ARHGAP40: variants seen among roughly 807,000 people sequenced by gnomAD.
ARHGAP40 encodes the protein Rho GTPase activating protein 40.
A neutral mutation model predicts 73.5 loss-of-function variants in ARHGAP40; 43 were observed. That is an observed-to-expected ratio of 0.58 (90% CI 0.46 to 0.75). ARHGAP40 has a LOEUF of 0.75. Ranked by LOEUF, ARHGAP40 falls within the 30% of genes least tolerant of loss-of-function variation. The pLI is 0.00. For synonymous variants in ARHGAP40, 300 were observed against 352.8 expected, an observed-to-expected ratio of 0.85 and a Z score of 1.68; for missense variants, 734 against 861.8, an observed-to-expected ratio of 0.85 and a Z score of 1.86.
At chr20:38,650,156 C>A (rs2089080513) in exon 15 of ARHGAP40, 2 of 366,186 alleles carry the variant, frequency 5.5e-6, no homozygotes, top group South Asian at 2.1e-5. Context: ...ACCGTGCACA[C>A]AATGCCCTCA....
intron 2 of ARHGAP40, 78 bp from the exon 3 acceptor site, chr20:38,626,917 C>T: frequency 8.6e-7 from 1 of 1,158,220 alleles, no homozygotes; most frequent in Non-Finnish European, 1.1e-6. Context: ...GTGTGTGCTT[C>T]TATGCAGAAC....
At chr20:38,610,093 A>G (rs561479840) in intron 1 of ARHGAP40, among the ~76,000 whole-genome samples, 5 of 152,238 alleles carry the variant, frequency 3.3e-5, no homozygotes, top group Non-Finnish European at 7.3e-5. Context: ...TAAAGACCAG[A>G]TGTTCTTAAT....
At chr20:38,611,828 C>G (rs1233601596) in intron 1 of ARHGAP40, among the ~76,000 whole-genome samples, 1 of 152,062 alleles carries the variant, frequency 6.6e-6, no homozygotes, top group Admixed American at 6.5e-5. Context: ...CCCACCTCGG[C>G]CTCCCAAAGT....
intron 1 of ARHGAP40, among the ~76,000 whole-genome samples, chr20:38,602,617 CA>C (rs980788144): frequency 1.3e-5 from 2 of 152,198 alleles, no homozygotes; most frequent in Non-Finnish European, 2.9e-5. Context: ...GAAAGTCAAA[CA>C]GTGCAGGAAT....
chr20:38,643,881 A>G, exon 11 of ARHGAP40: 1 of 1,304,746 alleles, frequency 7.7e-7, no homozygotes, highest in Non-Finnish European at 1.0e-6. Context: ...GGTGCAGATA[A>G]TGGTGCACTA....
intron 14 of ARHGAP40, among the ~76,000 whole-genome samples, 191 bp from the exon 15 acceptor site, chr20:38,649,566 G>T (rs1361095024): frequency 6.6e-6 from 1 of 152,216 alleles, no homozygotes; most frequent in South Asian, 2.1e-4. Context: ...GGGAAAGGGG[G>T]TGTCACTTTT....
chr20:38,632,120 C>T (rs920582078), intron 5 of ARHGAP40, among the ~76,000 whole-genome samples: 3 of 151,946 alleles, frequency 2.0e-5, no homozygotes, highest in African/African-American at 7.3e-5. Flanking sequence ...TGTGCTACCA[C>T]ACCCAGCTAA....
intron 1 of ARHGAP40, among the ~76,000 whole-genome samples, chr20:38,605,651 C>T (rs1359580574): frequency 6.6e-6 from 1 of 152,118 alleles, no homozygotes; most frequent in East Asian, 1.9e-4. Flanking sequence ...TCCACCTGCC[C>T]CTCCCACCTC....
intron 1 of ARHGAP40, among the ~76,000 whole-genome samples, chr20:38,622,766 C>T (rs1033113701): frequency 5.3e-5 from 8 of 152,182 alleles, no homozygotes; most frequent in South Asian, 4.1e-4. Flanking sequence ...TTCCAGTTCA[C>T]GTGCCTGATA....
rs535671539 is a variant in ARHGAP40 at position 38,649,987 on chromosome 20, T to G, written c.*139T>G. On this transcript the variant is annotated 3_prime_UTR_variant, in exon 15 of 15. Coordinates refer to ENST00000373345, the Ensembl canonical transcript of ARHGAP40. ...CCAAGGCTTCCTTTTCTGAAATGCC[T>G]CTCAGACCCCTCAGAAATAGACTCA... The G allele has an allele frequency of 1.3e-4, 71 of 533,926 alleles. 1 individual carries two copies. The highest frequency in any genetic ancestry group is 2.0e-4 in the Admixed American group (7 of 34,534). The allele number at this position is 533,926 out of a possible 1,614,324, so 33.1% of individuals were successfully genotyped here.
At chr20:38,634,062 A>G (rs1487241996) in intron 5 of ARHGAP40, among the ~76,000 whole-genome samples, 1 of 152,176 alleles carries the variant, frequency 6.6e-6, no homozygotes, top group Non-Finnish European at 1.5e-5. Flanking sequence ...TCCCGCTAAA[A>G]TTTTATGAGG....
At chr20:38,612,433 G>A (rs948742468) in intron 1 of ARHGAP40, among the ~76,000 whole-genome samples, 3 of 152,158 alleles carry the variant, frequency 2.0e-5, no homozygotes, top group Non-Finnish European at 2.9e-5. Flanking sequence ...CAGCACTTTG[G>A]GAGGCTGAGG....
intron 1 of ARHGAP40, among the ~76,000 whole-genome samples, chr20:38,619,233 A>G (rs796535646): frequency 2.6e-5 from 4 of 152,230 alleles, no homozygotes; most frequent in African/African-American, 9.6e-5. Flanking sequence ...TTTGGATTTT[A>G]TCCTCAGGGT....
chr20:38,609,904 A>G (rs1601132838), intron 1 of ARHGAP40, among the ~76,000 whole-genome samples: 1 of 152,350 alleles, frequency 6.6e-6, no homozygotes. Context: ...TAGGATGACA[A>G]TCTGGCTCTT....
intron 1 of ARHGAP40, among the ~76,000 whole-genome samples, chr20:38,619,348 C>A (rs1016026981): frequency 3.9e-5 from 6 of 152,064 alleles, no homozygotes; most frequent in African/African-American, 1.2e-4. Context: ...CATGGGAAGA[C>A]TGCGATGAGG....
chr20:38,645,184 C>T (rs1325865270), intron 11 of ARHGAP40, among the ~76,000 whole-genome samples: 1 of 151,584 alleles, frequency 6.6e-6, no homozygotes, highest in Non-Finnish European at 1.5e-5. Flanking sequence ...GCCTGGTGTC[C>T]TCTGCTCATT....
intron 9 of ARHGAP40, among the ~76,000 whole-genome samples, chr20:38,640,347 G>T (rs1226502656): frequency 1.3e-5 from 2 of 151,124 alleles, no homozygotes; most frequent in Non-Finnish European, 2.9e-5. Context: ...CTCCCAAGTA[G>T]CTAAGAATAT....
intron 2 of ARHGAP40, among the ~76,000 whole-genome samples, chr20:38,625,467 G>A (rs1387966452): frequency 1.3e-5 from 2 of 151,676 alleles, no homozygotes; most frequent in Non-Finnish European, 2.9e-5. Flanking sequence ...CACCCAGACT[G>A]GGGTGCAGTG....
intron 1 of ARHGAP40, among the ~76,000 whole-genome samples, chr20:38,608,710 G>A (rs1229993151): frequency 1.3e-5 from 2 of 152,136 alleles, no homozygotes; most frequent in African/African-American, 4.8e-5. Context: ...CGTTGGGGCG[G>A]TGAAAAAGGG....
Sources: allele counts gnomAD v4.1 joint callset (sites outside exome capture counted in the v4.1 genomes callset), GRCh38; gene constraint gnomAD v4.1.1; transcripts MANE v1.5; gene names NCBI Gene and HGNC (gene_info 2026-07-23, HGNC 2026-07-21).